HEMK2: variants seen among roughly 807,000 people sequenced by gnomAD.
HEMK2 encodes the protein methyltransferase HEMK2.
the HEMK2 span, among the ~76,000 whole-genome samples, chr21:28,797,447 A>AAC: frequency 7.0e-6 from 1 of 142,906 alleles, no homozygotes; most frequent in African/African-American, 2.9e-5. Flanking sequence ...AAAAACAAAA[A>AAC]AAAAAAACAA....
chr21:28,745,375 CTTG>C, the HEMK2 span, among the ~76,000 whole-genome samples: 2 of 152,198 alleles, frequency 1.3e-5, no homozygotes, highest in Non-Finnish European at 2.9e-5. Context: ...ATAGAATCGG[CTTG>C]TTATTTAAAC....
chr21:28,621,550 G>A, the HEMK2 span, among the ~76,000 whole-genome samples: 27 of 152,222 alleles, frequency 1.8e-4, no homozygotes, highest in African/African-American at 6.0e-4. Flanking sequence ...GGGTGCAGGC[G>A]GGCTGAGTCC....
chr21:28,788,819 T>A, the HEMK2 span, among the ~76,000 whole-genome samples: 2 of 152,054 alleles, frequency 1.3e-5, no homozygotes, highest in African/African-American at 4.8e-5. Context: ...ATGTAATCAG[T>A]TAAGATGAGA....
chr21:28,882,370 G>A, the HEMK2 span: 1 of 658,480 alleles, frequency 1.5e-6, no homozygotes, highest in South Asian at 1.9e-5. Context: ...AAAAAAATTA[G>A]AACGTATTCA....
At chr21:28,644,907 C>G in the HEMK2 span, among the ~76,000 whole-genome samples, 1 of 152,124 alleles carries the variant, frequency 6.6e-6, no homozygotes, top group African/African-American at 2.4e-5. Flanking sequence ...AGTTTAAGAA[C>G]CTCTCTAGAC....
At chr21:28,790,189 T>C in the HEMK2 span, among the ~76,000 whole-genome samples, 11,791 of 152,262 alleles carry the variant, frequency 0.077, 500 homozygotes, top group Middle Eastern at 0.11. Flanking sequence ...TGAAATCTTT[T>C]TGAATTGTCA....
the HEMK2 span, among the ~76,000 whole-genome samples, chr21:28,623,252 A>G: frequency 6.6e-6 from 1 of 152,246 alleles, no homozygotes; most frequent in Admixed American, 6.5e-5. Flanking sequence ...ATCACTGGTC[A>G]TTAGGGAAAT....
At chr21:28,831,462 C>CGAAAGAACGAAAGAAAGAAAGAAA in the HEMK2 span, among the ~76,000 whole-genome samples, 1 of 23,612 alleles carries the variant, frequency 4.2e-5, no homozygotes, top group African/African-American at 1.5e-4. Flanking sequence ...AAGAAAAGAA[C>CGAAAGAACGAAAGAAAGAAAGAAA]GAAAGAAAGA....
chr21:28,833,839 T>A, the HEMK2 span, among the ~76,000 whole-genome samples: 1 of 152,202 alleles, frequency 6.6e-6, no homozygotes, highest in East Asian at 1.9e-4. Context: ...AAAATGGGTA[T>A]AGCAACGATA....
the HEMK2 span, among the ~76,000 whole-genome samples, chr21:28,665,387 A>AT: frequency 5.6e-4 from 8 of 14,412 alleles, no homozygotes; most frequent in Non-Finnish European, 5.4e-4. Context: ...TTTTTTTTTA[A>AT]TTTTTTTTTT....
chr21:28,598,663 G>A, the HEMK2 span, among the ~76,000 whole-genome samples: 4 of 152,158 alleles, frequency 2.6e-5, no homozygotes, highest in East Asian at 5.8e-4. Context: ...CTGCAAGTCC[G>A]CAAGTCCTTC....
chr21:28,830,088 A>G, the HEMK2 span, among the ~76,000 whole-genome samples: 4 of 152,292 alleles, frequency 2.6e-5, no homozygotes, highest in South Asian at 2.1e-4. Context: ...AGTATATCTT[A>G]TATCTGTATA....
the HEMK2 span, among the ~76,000 whole-genome samples, chr21:28,798,109 CT>C: frequency 6.6e-6 from 1 of 152,168 alleles, no homozygotes; most frequent in Non-Finnish European, 1.5e-5. Context: ...TCCGCTCTCC[CT>C]TCTCTCCTTC....
At chr21:28,720,166 T>A in the HEMK2 span, among the ~76,000 whole-genome samples, 7 of 152,194 alleles carry the variant, frequency 4.6e-5, no homozygotes, top group Non-Finnish European at 8.8e-5. Context: ...AGTTCAATAC[T>A]AACAATCCAA....
the HEMK2 span, among the ~76,000 whole-genome samples, chr21:28,841,395 T>TTA: frequency 7.4e-4 from 24 of 32,390 alleles, no homozygotes; most frequent in Admixed American, 1.3e-3. Context: ...ATATAAAATA[T>TTA]TATATATATA....
chr21:28,595,493 T>G, the HEMK2 span, among the ~76,000 whole-genome samples: 1 of 152,232 alleles, frequency 6.6e-6, no homozygotes, highest in Admixed American at 6.5e-5. Context: ...TTCATCCATG[T>G]TGTTGCAAAT....
the HEMK2 span, among the ~76,000 whole-genome samples, chr21:28,764,999 C>T: frequency 6.6e-6 from 1 of 152,042 alleles, no homozygotes; most frequent in Non-Finnish European, 1.5e-5. Flanking sequence ...TAGGCAGGAC[C>T]TGTGACTTGC....
At chr21:28,856,669 C>G in the HEMK2 span, among the ~76,000 whole-genome samples, 1 of 152,200 alleles carries the variant, frequency 6.6e-6, no homozygotes, top group African/African-American at 2.4e-5. Flanking sequence ...GGTCAGGCGA[C>G]AGTCCACCCA....
At chr21:28,803,492 G>A in the HEMK2 span, among the ~76,000 whole-genome samples, 1 of 152,146 alleles carries the variant, frequency 6.6e-6, no homozygotes, top group African/African-American at 2.4e-5. Flanking sequence ...TACTGCTACA[G>A]TCAAAGAATC....
Sources: gnomAD v4.1 joint callset for allele counts (sites outside exome capture counted in the v4.1 genomes callset) on GRCh38, gnomAD v4.1.1 for gene constraint, MANE v1.5 for transcripts, NCBI Gene and HGNC (gene_info 2026-07-23, HGNC 2026-07-21) for gene names.